The following PCCA variants were observed in gnomAD, a reference collection of about 807,000 sequenced individuals.
PCCA encodes propionyl-CoA carboxylase alpha chain, mitochondrial.
A neutral mutation model predicts 101.3 loss-of-function variants in PCCA; 74 were observed. That is an observed-to-expected ratio of 0.73 (90% CI 0.61 to 0.89). PCCA has a LOEUF of 0.89. Among genes scored for constraint, PCCA ranks in the 40% least tolerant of loss-of-function variants. The probability of loss-of-function intolerance (pLI) is 0.00; values close to 1 mark genes in which losing one functional copy is unlikely to be tolerated. For synonymous variants in PCCA, 294 were observed against 313.6 expected (o/e 0.94, Z 0.66); for missense variants, 891 against 907.0 (o/e 0.98, Z 0.23).
intron 20 of PCCA, among the ~76,000 whole-genome samples, chr13:100,440,203 TATATATAA>T (rs1566308537): frequency 1.0e-5 from 1 of 97,596 alleles, no homozygotes; most frequent in Non-Finnish European, 2.0e-5. Flanking sequence ...TATATATATA[TATATATAA>T]AACGTGATAA....
intron 12 of PCCA, among the ~76,000 whole-genome samples, chr13:100,288,320 G>C (rs1447589004): frequency 1.3e-5 from 2 of 152,048 alleles, no homozygotes; most frequent in East Asian, 3.9e-4. Flanking sequence ...TTTAGAGAGA[G>C]GGGTCTTACT....
intron 18 of PCCA, among the ~76,000 whole-genome samples, chr13:100,345,181 G>A (rs1334208000): frequency 6.6e-6 from 1 of 152,232 alleles, no homozygotes; most frequent in Non-Finnish European, 1.5e-5. Flanking sequence ...AAATCAAAGG[G>A]TAGAAATGAT....
intron 19 of PCCA, among the ~76,000 whole-genome samples, chr13:100,373,117 G>A (rs9585425): frequency 0.031 from 4,722 of 152,158 alleles, 236 homozygotes; most frequent in African/African-American, 0.11. Flanking sequence ...AATTAAAAAT[G>A]GGCAAAGGAC....
At chr13:100,520,647 A>G (rs2087206080) in intron 22 of PCCA, among the ~76,000 whole-genome samples, 1 of 150,802 alleles carries the variant, frequency 6.6e-6, no homozygotes, top group East Asian at 1.9e-4. Flanking sequence ...AAAAAAAAAA[A>G]AAAAAAAAAA....
At chr13:100,377,097 G>T (rs1377161550) in intron 19 of PCCA, among the ~76,000 whole-genome samples, 1 of 152,146 alleles carries the variant, frequency 6.6e-6, no homozygotes, top group Non-Finnish European at 1.5e-5. Context: ...CCCGGGTGAG[G>T]CAATGCCCCA....
At chr13:100,230,374 G>A (rs1349541523) in intron 7 of PCCA, among the ~76,000 whole-genome samples, 1 of 151,978 alleles carries the variant, frequency 6.6e-6, no homozygotes, top group Admixed American at 6.6e-5. Context: ...GTGAAACCCT[G>A]TCTCTACTTA....
intron 4 of PCCA, among the ~76,000 whole-genome samples, chr13:100,118,245 A>G (rs567882100): frequency 6.6e-6 from 1 of 152,324 alleles, no homozygotes; most frequent in South Asian, 2.1e-4. Flanking sequence ...GAAACCTAAG[A>G]AAATAACTCA....
At chr13:100,251,187 T>C (rs1232521809) in intron 8 of PCCA, among the ~76,000 whole-genome samples, 1 of 152,204 alleles carries the variant, frequency 6.6e-6, no homozygotes, top group Non-Finnish European at 1.5e-5. Context: ...TTGATCTTTT[T>C]AAATAAAGAA....
intron 19 of PCCA, among the ~76,000 whole-genome samples, chr13:100,389,158 C>A (rs949261180): frequency 6.6e-6 from 1 of 151,914 alleles, no homozygotes; most frequent in Non-Finnish European, 1.5e-5. Flanking sequence ...CTGTGGTGAG[C>A]ATGTATGTAG....
At chr13:100,402,683 A>G (rs1366829519) in intron 19 of PCCA, among the ~76,000 whole-genome samples, 2 of 152,180 alleles carry the variant, frequency 1.3e-5, no homozygotes, top group Non-Finnish European at 2.9e-5. Flanking sequence ...GAGCAAGGAA[A>G]GACCCAGCCC....
Position 100,488,356 on chromosome 13 carries a change from G to A in PCCA, c.1900-27071G>A, listed in dbSNP as rs187916730. Among the ~76,000 whole-genome samples the A allele has an allele frequency of 5.3e-3, 814 of 152,324 alleles. 5 individuals are homozygous for A. Among genetic ancestry groups the A allele is most frequent in the Non-Finnish European group, 7.6e-3 (519 of 68,032 alleles). ...GATCCACCCGCCTCGGCTTCCCAAA[G>A]TGCTAGGATTTACAGGTGTGAGCCG... On this transcript the variant is annotated intron_variant, in intron 21 of 23. Coordinates refer to ENST00000376285, the MANE Select transcript of PCCA (RefSeq NM_000282.4).
chr13:100,399,465 T>G (rs945795604), intron 19 of PCCA, among the ~76,000 whole-genome samples: 1 of 152,176 alleles, frequency 6.6e-6, no homozygotes, highest in African/African-American at 2.4e-5. Flanking sequence ...GAAAAGCCAA[T>G]TGGTGAATTT....
chr13:100,235,052 A>G (rs1031870598), intron 7 of PCCA, among the ~76,000 whole-genome samples: 3 of 152,104 alleles, frequency 2.0e-5, no homozygotes, highest in African/African-American at 7.2e-5. Flanking sequence ...CTTAGATTCA[A>G]GGGAAGTTTT....
intron 7 of PCCA, among the ~76,000 whole-genome samples, chr13:100,229,903 G>T (rs575370907): frequency 6.6e-6 from 1 of 152,278 alleles, no homozygotes; most frequent in African/African-American, 2.4e-5. Context: ...AGCCTGTCTG[G>T]TTCTGAGTCC....
intron 21 of PCCA, chr13:100,491,546 ACTGACT>A (rs1227637183): frequency 1.9e-6 from 1 of 514,880 alleles, no homozygotes; most frequent in Non-Finnish European, 3.5e-6. Flanking sequence ...GAAAGAAAGT[ACTGACT>A]CACTGCAAAC....
At chr13:100,184,493 C>T (rs2057074604) in intron 6 of PCCA, among the ~76,000 whole-genome samples, 1 of 152,220 alleles carries the variant, frequency 6.6e-6, no homozygotes, top group Admixed American at 6.5e-5. Flanking sequence ...GTTGCACGAG[C>T]TTATGATGAC....
chr13:100,505,700 A>G (rs995323032), intron 21 of PCCA, among the ~76,000 whole-genome samples: 1 of 152,170 alleles, frequency 6.6e-6, no homozygotes, highest in Non-Finnish European at 1.5e-5. Flanking sequence ...CCCCATCTCT[A>G]CAAAACATAC....
At position 100,354,504 on chromosome 13, in the gene PCCA, A is replaced by G. The variant is rs919420099; in HGVS notation, c.1644-13968A>G. On this transcript the variant is annotated intron_variant, in intron 18 of 23. Coordinates refer to ENST00000376285, the MANE Select transcript of PCCA (RefSeq NM_000282.4). Reference sequence around the variant, plus strand: ...AAGCAGAGGGAATAAAATACTGAAAACTAGAGTACAAATAAATGAAATAGA... The same window carrying G: ...AAGCAGAGGGAATAAAATACTGAAAGCTAGAGTACAAATAAATGAAATAGA... 4.6e-5 allele frequency among the ~76,000 whole-genome samples: 7 copies of G among 152,086 alleles called. No homozygotes were observed. The South Asian group carries it at 1.4e-3, about 32-fold the overall frequency.
intron 21 of PCCA, among the ~76,000 whole-genome samples, chr13:100,514,495 T>C (rs1320733996): frequency 6.6e-6 from 1 of 152,230 alleles, no homozygotes; most frequent in African/African-American, 2.4e-5. Context: ...TCAGACCTGG[T>C]AGGGATCCAG....
Sources: gnomAD v4.1 joint callset for allele counts (sites outside exome capture counted in the v4.1 genomes callset) on GRCh38, gnomAD v4.1.1 for gene constraint, MANE v1.5 for transcripts, NCBI Gene and HGNC (gene_info 2026-07-23, HGNC 2026-07-21) for gene names.